C16orf74: variants seen among roughly 807,000 people sequenced by gnomAD.
The protein encoded by C16orf74 is calcimembrin, also known as uncharacterized protein C16orf74.
C16orf74 carries 10 observed loss-of-function variants against 6.5 expected under a neutral mutation model. That is an observed-to-expected ratio of 1.54 (90% CI 0.95 to 2.61). The LOEUF is 2.61. C16orf74 is among the 30% of genes most tolerant of loss of function. C16orf74 has a pLI of 0.00. For missense variants in C16orf74, 141 were observed against 105.9 expected (o/e 1.33, Z -1.45); for synonymous variants, 60 against 42.5 (o/e 1.41, Z -1.60).
chr16:85,740,520 G>T (rs1200817514), intron 1 of C16orf74, among the ~76,000 whole-genome samples: 1 of 151,980 alleles, frequency 6.6e-6, no homozygotes, highest in African/African-American at 2.4e-5. Flanking sequence ...GGCTATCACG[G>T]TGAAACCCCG....
intron 2 of C16orf74, among the ~76,000 whole-genome samples, chr16:85,731,705 T>C (rs1282513674): frequency 7.4e-6 from 1 of 134,926 alleles, no homozygotes; most frequent in East Asian, 2.2e-4. Flanking sequence ...TTTTTTTTTT[T>C]GAGACAGGGT....
intron 1 of C16orf74, among the ~76,000 whole-genome samples, chr16:85,744,613 G>A (rs1309167277): frequency 1.3e-5 from 2 of 151,604 alleles, no homozygotes; most frequent in South Asian, 2.1e-4. Context: ...GGCGGATCAC[G>A]AGGTCAGGAG....
chr16:85,717,094 C>G (rs1039217510), intron 2 of C16orf74, among the ~76,000 whole-genome samples: 1 of 152,192 alleles, frequency 6.6e-6, no homozygotes, highest in Non-Finnish European at 1.5e-5. Context: ...CCCTGACCCC[C>G]GCTCTGCGGC....
chr16:85,709,560 G>A (rs1045734980), intron 3 of C16orf74, among the ~76,000 whole-genome samples: 2 of 151,478 alleles, frequency 1.3e-5, no homozygotes, highest in Non-Finnish European at 2.9e-5. Context: ...CCCGGCATAG[G>A]CCCAGCTCAG....
chr16:85,729,153 A>T (rs944112606), intron 2 of C16orf74, among the ~76,000 whole-genome samples: 2 of 152,208 alleles, frequency 1.3e-5, no homozygotes, highest in African/African-American at 4.8e-5. Context: ...CTGTGGAGCC[A>T]ACCCCTCCTA....
chr16:85,729,157 C>T (rs551233121), intron 2 of C16orf74, among the ~76,000 whole-genome samples: 2 of 152,246 alleles, frequency 1.3e-5, no homozygotes, highest in East Asian at 3.9e-4. Flanking sequence ...GGAGCCAACC[C>T]CTCCTAACTG....
intron 3 of C16orf74, 70 bp downstream of exon 3, chr16:85,710,094 C>G: frequency 7.7e-7 from 1 of 1,301,378 alleles, no homozygotes. Context: ...CCAGGAAGGA[C>G]GCCCCTGAGA....
chr16:85,709,127 G>A (rs530816383), intron 3 of C16orf74, among the ~76,000 whole-genome samples: 1 of 152,344 alleles, frequency 6.6e-6, no homozygotes, highest in East Asian at 1.9e-4. Flanking sequence ...GGCCCAGGTG[G>A]GCAGATCACC....
chr16:85,722,146 G>A (rs550298555), intron 2 of C16orf74, among the ~76,000 whole-genome samples: 1 of 151,946 alleles, frequency 6.6e-6, no homozygotes, highest in South Asian at 2.1e-4. Flanking sequence ...TTCTAGGTGT[G>A]AGCCACTGTG....
chr16:85,742,753 C>T (rs532702472), intron 1 of C16orf74, among the ~76,000 whole-genome samples: 212 of 152,256 alleles, frequency 1.4e-3, no homozygotes, highest in African/African-American at 4.7e-3. Flanking sequence ...GTTAATCAGG[C>T]TAGTCTTGAA....
intron 1 of C16orf74, among the ~76,000 whole-genome samples, chr16:85,747,019 A>G (rs996823852): frequency 1.3e-5 from 2 of 152,104 alleles, no homozygotes; most frequent in Non-Finnish European, 2.9e-5. Context: ...GGCCCACAGG[A>G]AGCCTTCACC....
intron 2 of C16orf74, among the ~76,000 whole-genome samples, chr16:85,734,267 C>G (rs2054220882): frequency 6.6e-6 from 1 of 152,216 alleles, no homozygotes. Flanking sequence ...CTCCCGGTGA[C>G]CTGAGACGGG....
At chr16:85,742,177 A>G (rs945916870) in intron 1 of C16orf74, among the ~76,000 whole-genome samples, 1 of 152,188 alleles carries the variant, frequency 6.6e-6, no homozygotes, top group African/African-American at 2.4e-5. Flanking sequence ...GTTTGAGACC[A>G]GCCTGGCCAA....
chr16:85,747,424 C>T (rs1282868134), intron 1 of C16orf74, among the ~76,000 whole-genome samples: 1 of 151,972 alleles, frequency 6.6e-6, no homozygotes, highest in African/African-American at 2.4e-5. Context: ...TGCACTCCAG[C>T]CTGGGCAACA....
chr16:85,742,901 G>C (rs2054325832), intron 1 of C16orf74, among the ~76,000 whole-genome samples: 1 of 152,158 alleles, frequency 6.6e-6, no homozygotes. Context: ...AACACAAATG[G>C]ACTAAGACAG....
chr16:85,740,950 C>A (rs1008126095), intron 1 of C16orf74, among the ~76,000 whole-genome samples: 1 of 151,896 alleles, frequency 6.6e-6, no homozygotes, highest in African/African-American at 2.4e-5. Flanking sequence ...TGAATACGTG[C>A]AGGGAGAGAT....
At chr16:85,719,035 G>C (rs2054052857) in intron 2 of C16orf74, among the ~76,000 whole-genome samples, 2 of 152,318 alleles carry the variant, frequency 1.3e-5, no homozygotes, top group Admixed American at 1.3e-4. Flanking sequence ...TTGGGAAGGA[G>C]GACATCCTCC....
chr16:85,719,647 C>T lies in C16orf74; in HGVS notation c.29-9340G>A, dbSNP rs539978832. ...GCAGGGACTAGGGGCAGATGATAAG[C>T]CCACTCACAGTACCAAGAAGCAGGG... On this transcript the variant is annotated intron_variant, in intron 2 of 3. Coordinates refer to ENST00000284245, the MANE Select transcript of C16orf74 (RefSeq NM_206967.3). Among the ~76,000 whole-genome samples the T allele has an allele frequency of 1.1e-3, 165 of 152,208 alleles. 1 individual carries two copies. Among genetic ancestry groups the T allele is most frequent in the African/African-American group, 3.9e-3 (160 of 41,520 alleles).
chr16:85,727,964 C>T (rs990751996), intron 2 of C16orf74, among the ~76,000 whole-genome samples: 1 of 75,794 alleles, frequency 1.3e-5, no homozygotes, highest in African/African-American at 5.1e-5. Flanking sequence ...CCCTTCTCTA[C>T]AAAAAAAAAA....
Sources: gnomAD v4.1 joint callset for allele counts (sites outside exome capture counted in the v4.1 genomes callset) on GRCh38, gnomAD v4.1.1 for gene constraint, MANE v1.5 for transcripts, NCBI Gene and HGNC (gene_info 2026-07-23, HGNC 2026-07-21) for gene names.